Variants in PALS1 observed in about 807,000 individuals in gnomAD.
The protein encoded by PALS1 is protein associated with LIN7 1, MAGUK p55 family member.
In PALS1, 31 loss-of-function variants were observed where a neutral mutation model predicts 78.9. That is an observed-to-expected ratio of 0.39 (90% CI 0.30 to 0.53). The LOEUF (loss-of-function observed/expected upper bound fraction) is 0.53. PALS1 is among the 20% of genes least tolerant of loss of function. PALS1 has a pLI of 0.67. For missense variants in PALS1, 704 were observed against 826.5 expected (o/e 0.85, Z 1.82); for synonymous variants, 276 against 270.9 (o/e 1.02, Z -0.18).
intron 1 of PALS1, among the ~76,000 whole-genome samples, chr14:67,254,729 C>T (rs1417871010): frequency 6.6e-6 from 1 of 152,200 alleles, no homozygotes; most frequent in East Asian, 1.9e-4. Flanking sequence ...CCCCACCTGC[C>T]TTTAATGGCC....
chr14:67,291,785 G>C (rs1207726059), intron 3 of PALS1, among the ~76,000 whole-genome samples: 1 of 152,068 alleles, frequency 6.6e-6, no homozygotes, highest in Non-Finnish European at 1.5e-5. Context: ...TTCCTTACTA[G>C]TCAAATAAAT....
intron 1 of PALS1, among the ~76,000 whole-genome samples, chr14:67,262,462 GTT>G (rs1176996379): frequency 3.3e-5 from 5 of 152,084 alleles, no homozygotes; most frequent in Non-Finnish European, 7.4e-5. Context: ...TTAAAACTCT[GTT>G]TGGCTCCTGG....
intron 14 of PALS1, among the ~76,000 whole-genome samples, chr14:67,327,633 T>TC (rs2085379112): frequency 6.6e-6 from 1 of 151,934 alleles, no homozygotes; most frequent in Non-Finnish European, 1.5e-5. Flanking sequence ...ATGCTATCCC[T>TC]CCCCTCTCCC....
intron 12 of PALS1, 124 bp downstream of exon 12, chr14:67,320,521 T>A: frequency 1.1e-6 from 1 of 886,822 alleles, no homozygotes; most frequent in South Asian, 2.8e-5. Flanking sequence ...AAAGAGGAAC[T>A]TTAACCAAAG....
Position 67,321,124 on chromosome 14 carries a change from A to C in PALS1, c.1605A>C (p.Ala535=). The change falls in exon 13 of 15, where the codon GCA becomes GCC. Residue 535 remains alanine (A), a synonymous_variant. Transcript: ENST00000261681. Reference sequence around the variant, plus strand: ...ATTACCACTTTGTTTCGCGGCAAGCATTCGAGGCAGACATAGCAGCTGGAA... The same window carrying C: ...ATTACCACTTTGTTTCGCGGCAAGCCTTCGAGGCAGACATAGCAGCTGGAA... ...GRDYHFVSRQ[A]FEADIAAGKF... 6.2e-7 allele frequency: 1 copy of C among 1,614,200 alleles called. No homozygotes were observed. The highest frequency in any genetic ancestry group is 8.5e-7 in the Non-Finnish European group (1 of 1,180,036).
intron 2 of PALS1, among the ~76,000 whole-genome samples, chr14:67,273,792 C>CT (rs772293605): frequency 2.0e-5 from 3 of 151,970 alleles, no homozygotes; most frequent in Non-Finnish European, 2.9e-5. Context: ...CTGTTGTTTC[C>CT]GACTTTTTAA....
At chr14:67,309,902 C>T (rs1204722827) in intron 8 of PALS1, among the ~76,000 whole-genome samples, 4 of 151,746 alleles carry the variant, frequency 2.6e-5, no homozygotes, top group African/African-American at 4.8e-5. Context: ...TCAAGATTGA[C>T]AAGTACTTTG....
At chr14:67,253,963 GT>G (rs1203932603) in intron 1 of PALS1, among the ~76,000 whole-genome samples, 38 of 137,160 alleles carry the variant, frequency 2.8e-4, no homozygotes, top group African/African-American at 7.1e-4. Context: ...ATTTTGTTTT[GT>G]TTTTTTTTTT....
intron 3 of PALS1, among the ~76,000 whole-genome samples, chr14:67,287,531 A>C (rs1441073288): frequency 6.6e-6 from 1 of 152,366 alleles, no homozygotes; most frequent in African/African-American, 2.4e-5. Context: ...ACCAGATCCC[A>C]AAAATTAAAA....
intron 1 of PALS1, among the ~76,000 whole-genome samples, chr14:67,258,420 C>T (rs2084179903): frequency 6.6e-6 from 1 of 152,130 alleles, no homozygotes; most frequent in African/African-American, 2.4e-5. Flanking sequence ...CCTGTAGTCC[C>T]AGCTACTTGG....
At chr14:67,271,031 A>G (rs994922068) in intron 2 of PALS1, 1 of 152,218 alleles carries the variant, frequency 6.6e-6, no homozygotes, top group African/African-American at 2.4e-5. Flanking sequence ...ATATAGCTAG[A>G]AATCTTGGAT....
At chr14:67,253,981 T>A (rs1359388881) in intron 1 of PALS1, among the ~76,000 whole-genome samples, 1 of 151,130 alleles carries the variant, frequency 6.6e-6, no homozygotes, top group Non-Finnish European at 1.5e-5. Context: ...TTTTCCATTT[T>A]GAGTAATGGA....
At chr14:67,327,004 G>A (rs139348266) in intron 14 of PALS1, among the ~76,000 whole-genome samples, 2,917 of 152,036 alleles carry the variant, frequency 0.019, 44 homozygotes, top group Middle Eastern at 0.041. Context: ...GTGAAACCCC[G>A]TCTCTACTAA....
intron 1 of PALS1, among the ~76,000 whole-genome samples, chr14:67,248,042 T>G (rs12323494): frequency 0.15 from 23,479 of 152,166 alleles, 3,425 homozygotes; most frequent in East Asian, 0.42. Flanking sequence ...ATGTTGAATT[T>G]TATCATATGC....
intron 13 of PALS1, among the ~76,000 whole-genome samples, chr14:67,321,844 A>C (rs966641114): frequency 1.8e-4 from 27 of 152,222 alleles, no homozygotes; most frequent in Non-Finnish European, 5.9e-5. Context: ...CTTAAAATAC[A>C]GTAAATATAG....
At chr14:67,267,819 T>C (rs2084352550) in intron 1 of PALS1, among the ~76,000 whole-genome samples, 2 of 152,222 alleles carry the variant, frequency 1.3e-5, no homozygotes, top group Non-Finnish European at 2.9e-5. Context: ...TTGCATTTTC[T>C]AGAAATTTTG....
chr14:67,255,334 T>C (rs929847918), intron 1 of PALS1, among the ~76,000 whole-genome samples: 3 of 152,192 alleles, frequency 2.0e-5, no homozygotes, highest in Non-Finnish European at 4.4e-5. Context: ...TTGTGAGTTA[T>C]TTACGTGATG....
At chr14:67,291,097 A>G (rs2084765217) in intron 3 of PALS1, among the ~76,000 whole-genome samples, 1 of 152,186 alleles carries the variant, frequency 6.6e-6, no homozygotes, top group African/African-American at 2.4e-5. Flanking sequence ...AAATTCTATA[A>G]TAAGAGCAAC....
In PALS1 at chr14:67,333,899, A is replaced by G. The variant is rs777225336; in HGVS notation, c.*943A>G. ...TTTGACAGTTTTTGCATTTTTATGT[A>G]TGAGCACAGTATCCTATGACTGTGC... On this transcript the variant is annotated 3_prime_UTR_variant, in exon 15 of 15. Transcript: ENST00000261681. 1 of 152,610 alleles carries G rather than the reference A, an allele frequency of 6.6e-6. No homozygotes were observed. The highest frequency in any genetic ancestry group is 2.1e-4 in the South Asian group (1 of 4,832). The allele number at this position is 152,610 out of a possible 1,614,324, so 9.5% of individuals were successfully genotyped here. A position where few individuals can be genotyped will look rare whatever the true frequency, so the allele number is the denominator to read the frequency against.
Sources: gnomAD v4.1 joint callset for allele counts (sites outside exome capture counted in the v4.1 genomes callset) on GRCh38, gnomAD v4.1.1 for gene constraint, MANE v1.5 for transcripts, NCBI Gene and HGNC (gene_info 2026-07-23, HGNC 2026-07-21) for gene names.